Variants in CORO7 observed in about 807,000 individuals in gnomAD.
CORO7 encodes coronin-7.
Under a neutral mutation model 126.6 loss-of-function variants are expected in CORO7, and 107 were observed. The ratio of observed to expected loss-of-function variants is 0.85; its 90% CI spans 0.72 to 0.99. CORO7 has a LOEUF of 0.99. Among genes scored for constraint, CORO7 ranks in the 50% least tolerant of loss-of-function variants. The pLI, the probability that CORO7 is intolerant of heterozygous loss-of-function variation, is 0.00. For synonymous variants in CORO7, 603 were observed against 536.8 expected (o/e 1.12, Z -1.70); for missense variants, 1,314 against 1,255.8 (o/e 1.05, Z -0.70).
chr16:4,359,122 C>G (rs940559779), intron 23 of CORO7, 174 bp downstream of exon 23: 54 of 718,782 alleles, frequency 7.5e-5, no homozygotes, highest in Non-Finnish European at 1.1e-4. Flanking sequence ...CTCAAAATTC[C>G]TAAATAATTC....
intron 9 of CORO7, among the ~76,000 whole-genome samples, chr16:4,374,980 G>C (rs1413657724): frequency 6.6e-6 from 1 of 152,086 alleles, no homozygotes; most frequent in East Asian, 1.9e-4. Flanking sequence ...TGAGGGCCCA[G>C]CCCTGGTGGC....
At chr16:4,376,063 G>A (rs929138336) in intron 9 of CORO7, among the ~76,000 whole-genome samples, 1 of 152,170 alleles carries the variant, frequency 6.6e-6, no homozygotes, top group East Asian at 1.9e-4. Flanking sequence ...GGGGACCCCC[G>A]CTCAATCACC....
intron 1 of CORO7, chr16:4,414,174 G>A (rs1438645262): frequency 7.1e-6 from 1 of 141,372 alleles, no homozygotes; most frequent in African/African-American, 2.6e-5. Flanking sequence ...CTGGGCAACA[G>A]AGCGAGACTC....
chr16:4,381,142 G>C, intron 9 of CORO7: 1 of 1,610,184 alleles, frequency 6.2e-7, no homozygotes, highest in Non-Finnish European at 8.5e-7. Context: ...GAACCAGATC[G>C]CCAGCCTGCC....
At chr16:4,398,841 G>A (rs1289366100) in intron 6 of CORO7, among the ~76,000 whole-genome samples, 2 of 151,726 alleles carry the variant, frequency 1.3e-5, no homozygotes, top group African/African-American at 2.4e-5. Flanking sequence ...GGTGGTGTGA[G>A]ACTGTGTTCC....
rs745467703 is a variant in CORO7 at position 4,407,629 on chromosome 16, AC to A, written c.358del (p.Val120TrpfsTer24). The A allele has an allele frequency of 1.9e-6, 3 of 1,607,774 alleles. No individual in the cohort carries two copies. Among genetic ancestry groups the A allele is most frequent in the East Asian group, 2.2e-5 (1 of 44,684 alleles). On this transcript the variant is annotated frameshift_variant, in exon 5 of 28. Coordinates refer to ENST00000251166, the MANE Select transcript of CORO7 (RefSeq NM_024535.5). LOFTEE classifies it high-confidence loss of function. Reference sequence around the variant, plus strand: ...TGGGAGGTCCTCGGGGCCCAGCACCACCCCGGGTGCTGAGGGCAGGGCCTGG... The same window carrying A: ...TGGGAGGTCCTCGGGGCCCAGCACCACCCGGGTGCTGAGGGCAGGGCCTGG... ...PGQALPSAPG[V>X]VLGPEDLPVE...
At chr16:4,365,155 G>A (rs1281544223) in intron 10 of CORO7, 95 bp from the exon 11 acceptor site, 22 of 1,525,404 alleles carry the variant, frequency 1.4e-5, no homozygotes, top group Non-Finnish European at 1.9e-5. Flanking sequence ...CCAAGGACCT[G>A]AGCCACAGAA....
At chr16:4,393,585 G>A (rs2055474036) in intron 7 of CORO7, among the ~76,000 whole-genome samples, 1 of 152,202 alleles carries the variant, frequency 6.6e-6, no homozygotes, top group Non-Finnish European at 1.5e-5. Flanking sequence ...AGTCTTGTGT[G>A]TGTAGGGGGC....
chr16:4,409,743 G>A (rs1452188344), intron 3 of CORO7, among the ~76,000 whole-genome samples: 1 of 152,236 alleles, frequency 6.6e-6, no homozygotes, highest in Non-Finnish European at 1.5e-5. Flanking sequence ...GCACCCAGAA[G>A]TTGCTCACCC....
Position 4,359,331 on chromosome 16 carries a change from C to T in CORO7, c.2305G>A (p.Glu769Lys). 2.5e-6 allele frequency: 4 copies of T among 1,612,372 alleles called. No individual in the cohort carries two copies. Among genetic ancestry groups the T allele is most frequent in the Non-Finnish European group, 3.4e-6 (4 of 1,179,598 alleles). ...ELLPESPFFLECNSFTSPDPH... is the reference protein window; with the variant it reads ...ELLPESPFFLKCNSFTSPDPH... ...TCAGGCGACGTGAAGCTGTTGCACT[C>T]CAGGAAGAAAGGGGACTCGGGGAGC... The change falls in exon 23 of 28, where the codon GAG becomes AAG. Residue 769 changes from glutamate to lysine, a missense_variant. By Grantham distance (56) the Glu-to-Lys change is moderately conservative. Transcript: ENST00000251166.
intron 9 of CORO7, among the ~76,000 whole-genome samples, chr16:4,379,309 G>T (rs2054867978): frequency 2.6e-5 from 4 of 152,092 alleles, no homozygotes; most frequent in Admixed American, 2.6e-4. Context: ...GGACTTCTAG[G>T]GGTGCCAAAG....
intron 9 of CORO7, among the ~76,000 whole-genome samples, chr16:4,365,927 G>C (rs1023349003): frequency 6.6e-6 from 1 of 152,198 alleles, no homozygotes; most frequent in African/African-American, 2.4e-5. Flanking sequence ...GGAGAGGTGA[G>C]GCCGGAGGCG....
In CORO7 at chr16:4,358,037, C is replaced by G. The variant is rs201607278; in HGVS notation, c.2524G>C (p.Glu842Gln). The change falls in exon 25 of 28, where the codon GAG becomes CAG. Residue 842 changes from glutamate (E) to glutamine (Q), a missense_variant. Glu to Gln is a conservative substitution (Grantham distance 29). Transcript: ENST00000251166. Reference protein sequence around the residue: ...AVIWEPVLSAEAWLQGANGQP... With the variant: ...AVIWEPVLSAQAWLQGANGQP... ...CCATTAGCGCCTTGCAGCCAGGCCT[C>G]GGCACTGAGCACAGGCTCCCAGATC... The G allele has an allele frequency of 6.2e-7, 1 of 1,613,392 alleles. No homozygotes were observed. Among genetic ancestry groups the G allele is most frequent in the South Asian group, 1.1e-5 (1 of 91,076 alleles).
rs2054028408 is a variant in CORO7 at position 4,357,837 on chromosome 16, C to A, written c.2593+131G>T. 2.1e-6 allele frequency: 3 copies of A among 1,457,480 alleles called. No homozygotes were observed. The South Asian group carries it at 4.2e-5, about 21-fold the overall frequency. The allele number at this position is 1,457,480 out of a possible 1,614,324, so 90.3% of individuals were successfully genotyped here. Reference sequence around the variant, plus strand: ...CTCCACTGGCTCAGAGACTGATTGACACAGCCACTCCACCCTCCCAAAGGC... The same window carrying A: ...CTCCACTGGCTCAGAGACTGATTGAAACAGCCACTCCACCCTCCCAAAGGC... On this transcript the variant is annotated intron_variant, in intron 25 of 27. Transcript: ENST00000251166.
At chr16:4,360,139 C>A in intron 21 of CORO7, 139 bp downstream of exon 21, 3 of 1,035,758 alleles carry the variant, frequency 2.9e-6, no homozygotes, top group Non-Finnish European at 4.3e-6. Flanking sequence ...ACCCACTCAT[C>A]CAATCATCTA....
chr16:4,362,014 T>A lies in CORO7; in HGVS notation c.1549A>T (p.Ser517Cys). ...AGCACAGCCACCTGTCCCCCGCTGC[T>A]GAGCAGCGGCACGGCCACACGCAGC... ...NKLRVAVPLL[S>C]SGGQVAVLEL... Residue 517 changes from serine (S) to cysteine (C), a missense_variant, in exon 16 of 28, where the codon AGC (serine) becomes TGC (cysteine). Coordinates refer to ENST00000251166, the MANE Select transcript of CORO7 (RefSeq NM_024535.5). This position sits in a 1 kb window ranked among gnomAD's most constrained non-coding sequence, Gnocchi z 5.3. 1 of 1,611,844 alleles carries A rather than the reference T, an allele frequency of 6.2e-7. No homozygotes were observed. Among genetic ancestry groups the A allele is most frequent in the Non-Finnish European group, 8.5e-7 (1 of 1,179,436 alleles).
intron 3 of CORO7, among the ~76,000 whole-genome samples, chr16:4,409,679 T>C (rs1212226813): frequency 2.6e-5 from 4 of 152,174 alleles, no homozygotes; most frequent in Non-Finnish European, 4.4e-5. Flanking sequence ...TGCTGCTGCC[T>C]TTTCCCACTG....
intron 14 of CORO7, among the ~76,000 whole-genome samples, chr16:4,364,069 C>G (rs2141194460): frequency 6.6e-6 from 1 of 151,732 alleles, no homozygotes; most frequent in East Asian, 1.9e-4. Context: ...GCCTGTAATC[C>G]CAGCTACTCG....
chr16:4,372,962 G>C (rs1042835941), intron 9 of CORO7, among the ~76,000 whole-genome samples: 2 of 152,182 alleles, frequency 1.3e-5, no homozygotes, highest in Non-Finnish European at 2.9e-5. Flanking sequence ...CTCCAGGGCT[G>C]GGGATTGGAT....
Sources: gnomAD v4.1 joint callset for allele counts (sites outside exome capture counted in the v4.1 genomes callset) on GRCh38, gnomAD v4.1.1 for gene constraint, Gnocchi (gnomAD v3.1) non-coding constraint, MANE v1.5 for transcripts, NCBI Gene and HGNC (gene_info 2026-07-23, HGNC 2026-07-21) for gene names.